The following FRY variants were observed in gnomAD, a reference collection of about 807,000 sequenced individuals.
The protein encoded by FRY is FRY microtubule binding protein.
Under a neutral mutation model 348.4 loss-of-function variants are expected in FRY, and 128 were observed. The ratio of observed to expected loss-of-function variants is 0.37; its 90% CI spans 0.32 to 0.43. The LOEUF is 0.43. Ranked by LOEUF, FRY falls within the 20% of genes least tolerant of loss-of-function variation. The pLI is 1.00. For synonymous variants in FRY, 1,370 were observed against 1,374.7 expected, an observed-to-expected ratio of 1.00 and a Z score of 0.08; for missense variants, 2,736 against 3,695.2, an observed-to-expected ratio of 0.74 and a Z score of 6.73.
At chr13:32,257,293 G>T (rs1887391814) in intron 51 of FRY, among the ~76,000 whole-genome samples, 1 of 152,120 alleles carries the variant, frequency 6.6e-6, no homozygotes, top group Non-Finnish European at 1.5e-5. Flanking sequence ...TACTGTCATT[G>T]GTGAATAATT....
chr13:32,173,246 C>T, intron 18 of FRY, 121 bp from the exon 19 acceptor site: 2 of 716,716 alleles, frequency 2.8e-6, no homozygotes, highest in Non-Finnish European at 5.0e-6. Context: ...TGGTTCTAAA[C>T]CATGGTCATT....
intron 58 of FRY, among the ~76,000 whole-genome samples, chr13:32,287,632 C>T (rs1024825942): frequency 2.8e-5 from 4 of 141,984 alleles, no homozygotes; most frequent in Non-Finnish European, 3.1e-5. Flanking sequence ...AACCTAAAAA[C>T]GTAAACATTA....
chr13:32,078,974 T>C lies in FRY; in HGVS notation c.211T>C (p.Phe71Leu). 1 of 1,613,996 alleles carries C rather than the reference T, an allele frequency of 6.2e-7. No individual in the cohort carries two copies. The highest frequency in any genetic ancestry group is 8.5e-7 in the Non-Finnish European group (1 of 1,179,880). ...AGGAGAATATGTCCTCAAAAGTTTA[T>C]TTGTCAACTTCACCACTCAGGCTGA... is the stretch of plus-strand genomic sequence containing the variant. ...KPGEYVLKSL[F>L]VNFTTQAERK... Residue 71 changes from phenylalanine (F) to leucine (L), a missense_variant, in exon 2 of 61, where the codon TTT (phenylalanine) becomes CTT (leucine). By Grantham distance (22) the Phe-to-Leu change is conservative. Around this residue, in one of 9 missense-constraint regions of FRY, gnomAD observed 309 missense variants for 418.1 expected, o/e 0.74. Coordinates refer to ENST00000542859, the MANE Select transcript of FRY (RefSeq NM_023037.3).
rs530921998 is a variant in FRY at position 32,166,500 on chromosome 13, C to CAAAA, written c.1893-4511_1893-4510insAAAA. The stretch of plus-strand genomic sequence containing the variant: ...AGTCAGAATGGCTGGACATCTTTCT[C>CAAAA]ATTTAACTCCAAGGCTTCCTTTCCC... On this transcript the variant is annotated intron_variant, in intron 17 of 60. Transcript: ENST00000542859. Among the ~76,000 whole-genome samples the CAAAA allele has an allele frequency of 9.0e-4, 137 of 152,318 alleles. 2 individuals carry two copies. The South Asian group carries it at 0.027, about 30-fold the overall frequency.
At position 32,296,300 on chromosome 13, in the gene FRY, G is replaced by C. The variant is rs1310496139; in HGVS notation, c.*840G>C. 2 of 152,526 alleles carry C rather than the reference G, an allele frequency of 1.3e-5. No individual in the cohort carries two copies. The highest frequency in any genetic ancestry group is 2.9e-5 in the Non-Finnish European group (2 of 68,026). 9.4% of individuals were successfully genotyped at this position (152,526 alleles called of 1,614,324 possible). A position where few individuals can be genotyped will look rare whatever the true frequency, so the allele number is the denominator to read the frequency against. ...AAACTATTCACAAGATAAATTCCAAGTCTTTTCACCTGTCAGGCATGCATA... is the reference window on the plus strand; with the variant it reads ...AAACTATTCACAAGATAAATTCCAACTCTTTTCACCTGTCAGGCATGCATA... On this transcript the variant is annotated 3_prime_UTR_variant, in exon 61 of 61. Coordinates refer to ENST00000542859, the MANE Select transcript of FRY (RefSeq NM_023037.3).
chr13:32,189,775 C>T (rs574764314), intron 28 of FRY, among the ~76,000 whole-genome samples: 16 of 152,130 alleles, frequency 1.1e-4, no homozygotes, highest in Non-Finnish European at 1.6e-4. Context: ...AGAGGAAATA[C>T]ATCCCAGTAC....
chr13:32,200,081 T>C (rs1299061190), intron 29 of FRY, among the ~76,000 whole-genome samples: 1 of 152,174 alleles, frequency 6.6e-6, no homozygotes, highest in Non-Finnish European at 1.5e-5. Flanking sequence ...CTTATAAAGC[T>C]ACTGGCCCCA....
chr13:32,146,835 A>G (rs1309880933), intron 11 of FRY, among the ~76,000 whole-genome samples: 2 of 152,184 alleles, frequency 1.3e-5, no homozygotes, highest in South Asian at 2.1e-4. Flanking sequence ...CCTAGTACAC[A>G]TTAGTCTCAA....
intron 4 of FRY, among the ~76,000 whole-genome samples, chr13:32,122,420 C>A (rs567090226): frequency 2.1e-5 from 3 of 146,220 alleles, no homozygotes; most frequent in Non-Finnish European, 4.5e-5. Flanking sequence ...CCAGCCTGGA[C>A]GACAGAGTGA....
intron 1 of FRY, among the ~76,000 whole-genome samples, chr13:32,036,233 T>A (rs973481305): frequency 4.6e-5 from 7 of 152,002 alleles, no homozygotes; most frequent in African/African-American, 1.7e-4. Flanking sequence ...AGCAAAGGGG[T>A]ACAGATCAAG....
At chr13:32,179,889 G>A (rs1160588323) in intron 23 of FRY, 90 bp downstream of exon 23, 3 of 1,306,792 alleles carry the variant, frequency 2.3e-6, no homozygotes, top group East Asian at 2.3e-5. Context: ...CTGTGTGTTG[G>A]CGTGTGCCCA....
intron 1 of FRY, among the ~76,000 whole-genome samples, chr13:32,050,230 T>G (rs907973060): frequency 6.6e-6 from 1 of 152,252 alleles, no homozygotes; most frequent in African/African-American, 2.4e-5. Flanking sequence ...CATAGCTTGT[T>G]GGATTACTTC....
chr13:32,142,435 A>G (rs1214862545), intron 11 of FRY, among the ~76,000 whole-genome samples: 1 of 152,232 alleles, frequency 6.6e-6, no homozygotes, highest in Non-Finnish European at 1.5e-5. Flanking sequence ...CATGTAATAC[A>G]TACATTCCAA....
intron 16 of FRY, among the ~76,000 whole-genome samples, chr13:32,159,306 A>T (rs1566103226): frequency 6.6e-6 from 1 of 152,050 alleles, no homozygotes; most frequent in Non-Finnish European, 1.5e-5. Flanking sequence ...AAGAGGGTGG[A>T]GGCCCACACA....
chr13:32,086,142 C>G (rs926066741), intron 2 of FRY: 12 of 392,238 alleles, frequency 3.1e-5, no homozygotes, highest in Non-Finnish European at 3.0e-5. Flanking sequence ...AAATAAGAAC[C>G]GCATAATGGC....
At chr13:32,132,604 A>C (rs1358947743) in intron 8 of FRY, among the ~76,000 whole-genome samples, 3 of 152,226 alleles carry the variant, frequency 2.0e-5, no homozygotes, top group African/African-American at 7.2e-5. Context: ...AGCCTGTGCC[A>C]CAAATGGTAC....
intron 56 of FRY, among the ~76,000 whole-genome samples, chr13:32,276,099 A>T (rs549008093): frequency 6.6e-6 from 1 of 152,234 alleles, no homozygotes; most frequent in African/African-American, 2.4e-5. Context: ...AATAAGTTTG[A>T]AAGTCTTTTT....
At chr13:32,226,947 C>G (rs1885614003) in intron 39 of FRY, among the ~76,000 whole-genome samples, 1 of 152,242 alleles carries the variant, frequency 6.6e-6, no homozygotes, top group Non-Finnish European at 1.5e-5. Flanking sequence ...AAACACAAAA[C>G]TCCCTTTGCT....
At chr13:32,034,724 C>T (rs1413621194) in intron 1 of FRY, among the ~76,000 whole-genome samples, 2 of 152,226 alleles carry the variant, frequency 1.3e-5, no homozygotes, top group East Asian at 1.9e-4. Context: ...CTCCCTTTTG[C>T]CTCTGAGTGT....
Sources: gnomAD v4.1 joint callset for allele counts (sites outside exome capture counted in the v4.1 genomes callset) on GRCh38, gnomAD v4.1.1 for gene constraint, gnomAD v4.1.1 regional missense constraint, MANE v1.5 for transcripts, NCBI Gene and HGNC (gene_info 2026-07-23, HGNC 2026-07-21) for gene names.